The following KATNIP variants were observed in gnomAD, a reference collection of about 807,000 sequenced individuals.
The protein encoded by KATNIP is katanin-interacting protein.
KATNIP carries 126 observed loss-of-function variants against 174.0 expected under a neutral mutation model. The observed-to-expected ratio is 0.72, with a 90% confidence interval of 0.63 to 0.84. KATNIP has a LOEUF of 0.84. Ranked by LOEUF, KATNIP falls within the 40% of genes least tolerant of loss-of-function variation. The probability of loss-of-function intolerance (pLI) is 0.00; values close to 1 mark genes in which losing one functional copy is unlikely to be tolerated. For synonymous variants in KATNIP, 810 were observed against 835.7 expected, an observed-to-expected ratio of 0.97 and a Z score of 0.53; for missense variants, 1,958 against 2,109.7, an observed-to-expected ratio of 0.93 and a Z score of 1.41.
chr16:27,710,884 CAAGAA>C (rs1011062262), intron 13 of KATNIP, among the ~76,000 whole-genome samples: 2 of 152,026 alleles, frequency 1.3e-5, no homozygotes, highest in Admixed American at 6.6e-5. Context: ...GAAGAGGAAA[CAAGAA>C]AAGGGGTTTT....
Position 27,761,479 on chromosome 16 carries a change from T to C in KATNIP, c.3698T>C (p.Val1233Ala). The C allele has an allele frequency of 6.2e-7, 1 of 1,614,142 alleles. No homozygotes were observed. Among genetic ancestry groups the C allele is most frequent in the South Asian group, 1.1e-5 (1 of 91,084 alleles). ...TACCTGGGGCTCACTGGCCTGGAAG[T>C]GGTGGGCAAGGAGGGCCAGGCGCTG... is the stretch of plus-strand genomic sequence containing the variant. ...LHYLGLTGLE[V>A]VGKEGQALPI... The change falls in exon 19 of 28, where the codon GTG becomes GCG. Residue 1233 changes from valine to alanine, a missense_variant. Coordinates refer to ENST00000261588, the MANE Select transcript of KATNIP (RefSeq NM_015202.5).
intron 3 of KATNIP, among the ~76,000 whole-genome samples, chr16:27,620,129 A>G (rs2076151274): frequency 6.6e-6 from 1 of 152,246 alleles, no homozygotes; most frequent in African/African-American, 2.4e-5. Context: ...GAGAATTTCC[A>G]GAGACAAGGT....
At position 27,631,054 on chromosome 16, in the gene KATNIP, C is replaced by A. The variant is rs1415517656; in HGVS notation, c.311-11C>A. 2.6e-6 allele frequency: 4 copies of A among 1,557,610 alleles called. No homozygotes were observed. The highest frequency in any genetic ancestry group is 1.9e-5 in the Admixed American group (1 of 52,018). On this transcript the variant is annotated splice_polypyrimidine_tract_variant and intron_variant, in intron 4 of 27. Coordinates refer to ENST00000261588, the MANE Select transcript of KATNIP (RefSeq NM_015202.5). ...GCCTCACCAAGTCTCCTTCCCTCGT[C>A]TCTGGTGCAGATTATGGACGAAGAA...
chr16:27,628,915 C>T (rs2076408075), intron 4 of KATNIP, 85 bp downstream of exon 4: 3 of 1,393,256 alleles, frequency 2.2e-6, no homozygotes, highest in Non-Finnish European at 3.0e-6. Context: ...CACCTGTAAT[C>T]ACATCACTTT....
intron 1 of KATNIP, among the ~76,000 whole-genome samples, chr16:27,555,253 C>A (rs542166528): frequency 6.6e-6 from 1 of 152,312 alleles, no homozygotes; most frequent in East Asian, 1.9e-4. Flanking sequence ...CTAGCAGATG[C>A]CCTCCAAACT....
chr16:27,737,931 G>A (rs1169253558), intron 14 of KATNIP, among the ~76,000 whole-genome samples: 8 of 151,950 alleles, frequency 5.3e-5, no homozygotes, highest in Admixed American at 5.2e-4. Context: ...ACAGGTGCCC[G>A]GGCCAGGTGG....
At chr16:27,607,121 C>T (rs957241446) in intron 2 of KATNIP, among the ~76,000 whole-genome samples, 13 of 152,170 alleles carry the variant, frequency 8.5e-5, no homozygotes, top group Admixed American at 7.2e-4. Flanking sequence ...ATGCACTGGC[C>T]GGGCCTGCAG....
At chr16:27,764,123 A>G (rs1254882640) in intron 19 of KATNIP, among the ~76,000 whole-genome samples, 1 of 152,162 alleles carries the variant, frequency 6.6e-6, no homozygotes, top group African/African-American at 2.4e-5. Context: ...TCTTTTTTAA[A>G]TTTATTTGCT....
intron 2 of KATNIP, among the ~76,000 whole-genome samples, chr16:27,596,667 C>A (rs2075345032): frequency 6.6e-6 from 1 of 152,164 alleles, no homozygotes. Flanking sequence ...TCGTGCATTA[C>A]TTGCCCGAGC....
At chr16:27,669,209 G>A in intron 6 of KATNIP, 1 of 825,758 alleles carries the variant, frequency 1.2e-6, no homozygotes, top group East Asian at 1.2e-4. Flanking sequence ...AGGCATAGAA[G>A]GCATTAATTC....
intron 5 of KATNIP, among the ~76,000 whole-genome samples, chr16:27,635,073 C>T (rs555909006): frequency 1.3e-5 from 2 of 152,250 alleles, no homozygotes; most frequent in East Asian, 3.9e-4. Context: ...GGGGGGCCTT[C>T]AAACTGGCTA....
intron 14 of KATNIP, among the ~76,000 whole-genome samples, chr16:27,723,140 T>C (rs1042575197): frequency 1.3e-5 from 2 of 152,058 alleles, no homozygotes; most frequent in East Asian, 3.9e-4. Context: ...GAACACAGCC[T>C]CCTAATCGCT....
chr16:27,605,966 T>C (rs1989855), intron 2 of KATNIP, among the ~76,000 whole-genome samples: 130,221 of 152,102 alleles, frequency 0.86, 55,801 homozygotes, highest in East Asian at 1. Context: ...CCTGTCTCTA[T>C]TAAAAATACA....
intron 5 of KATNIP, among the ~76,000 whole-genome samples, chr16:27,632,983 C>T (rs1036664816): frequency 6.6e-6 from 1 of 152,078 alleles, no homozygotes; most frequent in African/African-American, 2.4e-5. Flanking sequence ...CTCCTGACCT[C>T]AGGTGATCCG....
chr16:27,654,853 G>A, intron 6 of KATNIP: 1 of 929,920 alleles, frequency 1.1e-6, no homozygotes, highest in Non-Finnish European at 1.5e-6. Context: ...CCACAGGGCG[G>A]GCACGGTGGC....
rs1372560014 is a variant in KATNIP at position 27,750,151 on chromosome 16, T to G, written c.3191T>G (p.Phe1064Cys). The change falls in exon 16 of 28, where the codon TTC becomes TGC. Residue 1064 changes from phenylalanine to cysteine, a missense_variant. Phe to Cys is a radical substitution (Grantham distance 205). This residue lies in a region of KATNIP where 1,557 missense variants were observed against 1,617.8 expected (regional missense o/e 0.96). Coordinates refer to ENST00000261588, the MANE Select transcript of KATNIP (RefSeq NM_015202.5). ...AGATCCCACTCCATCACCATTGACT[T>G]CACGCACCCTTGCCACGTTGCCCTG... ...RGRSHSITID[F>C]THPCHVALIR... is the part of the protein sequence containing the mutation. The G allele has an allele frequency of 1.2e-6, 2 of 1,614,148 alleles. No homozygotes were observed. Among genetic ancestry groups the G allele is most frequent in the South Asian group, 2.2e-5 (2 of 91,080 alleles).
intron 2 of KATNIP, among the ~76,000 whole-genome samples, chr16:27,587,921 C>CTT (rs111346127): frequency 1.9e-4 from 20 of 106,758 alleles, no homozygotes; most frequent in African/African-American, 6.3e-4. Flanking sequence ...CTTTTCTTTT[C>CTT]TTTTTTTTTT....
At chr16:27,698,170 A>T (rs950507428) in intron 8 of KATNIP, among the ~76,000 whole-genome samples, 158 bp from the exon 9 acceptor site, 7 of 152,164 alleles carry the variant, frequency 4.6e-5, no homozygotes, top group Non-Finnish European at 4.4e-5. Context: ...AGTCTCCTGT[A>T]ATCTGGAACC....
chr16:27,737,214 CA>C (rs962830382), intron 14 of KATNIP, among the ~76,000 whole-genome samples: 2 of 150,982 alleles, frequency 1.3e-5, no homozygotes, highest in African/African-American at 2.4e-5. Flanking sequence ...CCCGTCTCTA[CA>C]AAAAAAAATT....
Sources: gnomAD v4.1 joint callset for allele counts (sites outside exome capture counted in the v4.1 genomes callset) on GRCh38, gnomAD v4.1.1 for gene constraint, gnomAD v4.1.1 regional missense constraint, MANE v1.5 for transcripts, NCBI Gene and HGNC (gene_info 2026-07-23, HGNC 2026-07-21) for gene names.